VPS8: variants seen among roughly 807,000 people sequenced by gnomAD.
The protein encoded by VPS8 is VPS8 subunit of CORVET complex, also known as vacuolar protein sorting-associated protein 8 homolog.
In VPS8, 129 loss-of-function variants were observed where a neutral mutation model predicts 216.4. The ratio of observed to expected loss-of-function variants is 0.60; its 90% confidence interval spans 0.52 to 0.69. VPS8 has a LOEUF of 0.69. Among genes scored for constraint, VPS8 ranks in the 30% least tolerant of loss-of-function variants. The pLI, the probability that VPS8 is intolerant of heterozygous loss-of-function variation, is 0.00. For missense variants in VPS8, 1,531 were observed against 1,683.5 expected (o/e 0.91, Z 1.59); for synonymous variants, 571 against 565.4 (o/e 1.01, Z -0.14).
At chr3:184,924,831 T>C (rs751148655) in intron 29 of VPS8, 31 bp from the exon 30 acceptor site, 2 of 1,586,556 alleles carry the variant, frequency 1.3e-6, no homozygotes, top group African/African-American at 2.7e-5. Context: ...CCAAATGGTG[T>C]ATTGAATAAA....
Position 184,828,250 on chromosome 3 carries a change from G to A in VPS8, c.222+2019G>A, listed in dbSNP as rs150135215. ...CACCTCCCAGGCTCAAGCGATTCTC[G>A]TGCCTCAGCCTCCTGAGTAGCTGGG... On this transcript the variant is annotated intron_variant, in intron 3 of 47. Transcript: ENST00000625842. Among the ~76,000 whole-genome samples the A allele has an allele frequency of 1.7e-3, 265 of 151,950 alleles. 2 individuals are homozygous for A. In the East Asian group the frequency reaches 0.026, roughly 15 times the overall value.
intron 10 of VPS8, among the ~76,000 whole-genome samples, chr3:184,851,061 A>G (rs771180192): frequency 6.6e-6 from 1 of 152,198 alleles, no homozygotes; most frequent in Non-Finnish European, 1.5e-5. Flanking sequence ...TGAAATCACA[A>G]TCTGTTTGTC....
intron 39 of VPS8, among the ~76,000 whole-genome samples, chr3:184,969,901 CTTTT>C (rs755680287): frequency 1.8e-5 from 2 of 110,220 alleles, no homozygotes; most frequent in Non-Finnish European, 3.6e-5. Flanking sequence ...TACTTTCTTA[CTTTT>C]TTTTTTTTTT....
intron 10 of VPS8, among the ~76,000 whole-genome samples, chr3:184,851,710 G>A (rs771713744): frequency 1.3e-5 from 2 of 152,184 alleles, no homozygotes; most frequent in Non-Finnish European, 2.9e-5. Flanking sequence ...TTGGGTCAAG[G>A]AAGAAGAATT....
intron 36 of VPS8, among the ~76,000 whole-genome samples, chr3:184,950,216 C>CCTTTTTTTTTTT (rs572473474): frequency 2.5e-5 from 1 of 39,930 alleles, no homozygotes; most frequent in Non-Finnish European, 4.1e-5. Context: ...CAGTTTTCTG[C>CCTTTTTTTTTTT]TTTTTTTTTT....
intron 8 of VPS8, among the ~76,000 whole-genome samples, chr3:184,848,004 C>T (rs1027946802): frequency 6.6e-6 from 1 of 152,248 alleles, no homozygotes; most frequent in Non-Finnish European, 1.5e-5. Context: ...CCTTTGCCTT[C>T]TGGGTTCAAG....
intron 46 of VPS8, among the ~76,000 whole-genome samples, chr3:185,040,285 T>G (rs1225215286): frequency 6.6e-6 from 1 of 152,162 alleles, no homozygotes; most frequent in Admixed American, 6.5e-5. Flanking sequence ...CCTCATCCAT[T>G]TTAACAAGCA....
At chr3:184,883,669 G>C (rs1014406286) in intron 21 of VPS8, among the ~76,000 whole-genome samples, 1 of 151,836 alleles carries the variant, frequency 6.6e-6, no homozygotes, top group African/African-American at 2.4e-5. Flanking sequence ...TTCCAGTCTT[G>C]GTTTTTCAGA....
At position 184,962,894 on chromosome 3, in the gene VPS8, G is replaced by A. The variant is rs561561471; in HGVS notation, c.3184-1574G>A. 4.6e-5 allele frequency among the ~76,000 whole-genome samples: 7 copies of A among 152,070 alleles called. No homozygotes were observed. The South Asian group carries it at 6.2e-4, about 14-fold the overall frequency. On this transcript the variant is annotated intron_variant, in intron 37 of 47. Transcript: ENST00000625842. ...AATTTTTGCAAGCTGATCAAAAGAAGGATTTTTATCTTCCACATGATGGCC... is the reference window on the plus strand; with the variant it reads ...AATTTTTGCAAGCTGATCAAAAGAAAGATTTTTATCTTCCACATGATGGCC...
At chr3:184,820,264 G>A (rs1717275656) in intron 1 of VPS8, among the ~76,000 whole-genome samples, 1 of 152,178 alleles carries the variant, frequency 6.6e-6, no homozygotes, top group Non-Finnish European at 1.5e-5. Context: ...GGCTCTCGGA[G>A]ACCATCTGTT....
chr3:184,860,091 C>T, intron 15 of VPS8, 26 bp downstream of exon 15: 1 of 1,524,496 alleles, frequency 6.6e-7, no homozygotes, highest in Non-Finnish European at 9.1e-7. Flanking sequence ...ATTAAATATC[C>T]CCATTTAGTT....
intron 42 of VPS8, among the ~76,000 whole-genome samples, chr3:184,983,926 T>G (rs1295441218): frequency 1.3e-5 from 2 of 151,808 alleles, no homozygotes; most frequent in Non-Finnish European, 2.9e-5. Context: ...GGCTCACGCC[T>G]GTAATCCCAG....
At chr3:184,925,124 AG>A (rs991198315) in intron 30 of VPS8, 143 bp downstream of exon 30, 42 of 1,130,000 alleles carry the variant, frequency 3.7e-5, no homozygotes, top group African/African-American at 2.0e-4. Context: ...GATCTAAGTT[AG>A]GGGGGTATGT....
In VPS8 at chr3:185,024,324, T is replaced by C. The variant is rs1313317990; in HGVS notation, c.4003-12T>C. 1.1e-5 allele frequency: 17 copies of C among 1,570,354 alleles called. No homozygotes were observed. The highest frequency in any genetic ancestry group is 5.6e-5 in the Admixed American group (3 of 53,882). On this transcript the variant is annotated splice_polypyrimidine_tract_variant and intron_variant, in intron 45 of 47. Transcript: ENST00000625842. ...CTGAAAGGGTATTAAAATGTTTGCC[T>C]TTTTTTTCCAGGTAAAAATGTCTCC... is the stretch of plus-strand genomic sequence containing the variant.
rs1178209972 is a variant in VPS8 at position 184,849,414 on chromosome 3, TGTCTA to T, written c.666+220_666+224del. On this transcript the variant is annotated intron_variant, in intron 9 of 47. Transcript: ENST00000625842. ...GTAATTTTTTATATCCTAGTTCATG[TGTCTA>T]TTTGAGTAAATAATTTTTGTAAACC... 180 of 404,604 alleles carry T rather than the reference TGTCTA, an allele frequency of 4.4e-4. 3 individuals are homozygous for T. In the East Asian group the frequency reaches 9.3e-3, roughly 21 times the overall value. 25.1% of individuals were successfully genotyped at this position (404,604 alleles called of 1,614,324 possible).
At chr3:185,025,636 G>A (rs1757237907) in intron 46 of VPS8, among the ~76,000 whole-genome samples, 1 of 152,226 alleles carries the variant, frequency 6.6e-6, no homozygotes. Flanking sequence ...CTGAGGCAAT[G>A]ACTGTTGATA....
intron 21 of VPS8, among the ~76,000 whole-genome samples, chr3:184,885,728 T>C (rs568970544): frequency 6.6e-6 from 1 of 152,366 alleles, no homozygotes; most frequent in South Asian, 2.1e-4. Flanking sequence ...GTAAGATATA[T>C]GTAGTGTTTT....
chr3:185,000,117 G>A (rs1753200218), intron 45 of VPS8, among the ~76,000 whole-genome samples: 1 of 152,160 alleles, frequency 6.6e-6, no homozygotes, highest in Non-Finnish European at 1.5e-5. Context: ...GGACAGATGA[G>A]GTGTACACAC....
At chr3:184,982,683 T>G (rs762061958) in intron 41 of VPS8, 36 bp downstream of exon 41, 1 of 1,482,758 alleles carries the variant, frequency 6.7e-7, no homozygotes, top group Non-Finnish European at 9.4e-7. Flanking sequence ...TGAGTCCACC[T>G]GTATCATCAG....
Sources: allele counts gnomAD v4.1 joint callset (sites outside exome capture counted in the v4.1 genomes callset), GRCh38; gene constraint gnomAD v4.1.1; transcripts MANE v1.5; gene names NCBI Gene and HGNC (gene_info 2026-07-23, HGNC 2026-07-21).